TAAR5: variants seen among roughly 807,000 people sequenced by gnomAD.
TAAR5 encodes trace amine associated receptor 5, also known as trace amine-associated receptor 5.
A neutral mutation model predicts 21.1 loss-of-function variants in TAAR5; 27 were observed. The ratio of observed to expected loss-of-function variants is 1.28; its 90% CI spans 0.94 to 1.76. TAAR5 has a LOEUF of 1.76. TAAR5 is among the 40% of genes most tolerant of loss of function. TAAR5 has a pLI of 0.00. For synonymous variants in TAAR5, 203 were observed against 167.5 expected (o/e 1.21, Z -1.64); for missense variants, 495 against 405.6 (o/e 1.22, Z -1.89).
At chr6:132,606,969 G>A in the TAAR5 span, among the ~76,000 whole-genome samples, 1 of 152,170 alleles carries the variant, frequency 6.6e-6, no homozygotes, top group African/African-American at 2.4e-5. Flanking sequence ...GCTGAGGAGG[G>A]CAGATTGCTT....
the TAAR5 span, among the ~76,000 whole-genome samples, chr6:132,600,417 A>T: frequency 2.0e-5 from 3 of 152,132 alleles, no homozygotes; most frequent in Non-Finnish European, 4.4e-5. Flanking sequence ...TGGCATGAAG[A>T]TGACTCCTCA....
the TAAR5 span, among the ~76,000 whole-genome samples, chr6:132,599,582 G>A: frequency 1.3e-5 from 2 of 151,980 alleles, no homozygotes; most frequent in Non-Finnish European, 2.9e-5. Flanking sequence ...ACCTGCATCC[G>A]CCTCCCAAAG....
the TAAR5 span, among the ~76,000 whole-genome samples, chr6:132,616,721 G>A: frequency 6.6e-6 from 1 of 152,176 alleles, no homozygotes; most frequent in Non-Finnish European, 1.5e-5. Flanking sequence ...AGTTGCTGAT[G>A]CTTCAAAGTA....
chr6:132,590,363 A>T (rs1179413367), upstream of TAAR5, among the ~76,000 whole-genome samples: 1 of 152,246 alleles, frequency 6.6e-6, no homozygotes, highest in African/African-American at 2.4e-5. Flanking sequence ...ATGATAACAC[A>T]AAGTGTTTAC....
At chr6:132,613,227 T>C in the TAAR5 span, among the ~76,000 whole-genome samples, 3 of 152,238 alleles carry the variant, frequency 2.0e-5, no homozygotes, top group Admixed American at 2.0e-4. Flanking sequence ...TAACCAGCTC[T>C]AACAAACTAA....
chr6:132,607,659 A>G, the TAAR5 span, among the ~76,000 whole-genome samples: 2 of 152,360 alleles, frequency 1.3e-5, no homozygotes, highest in Middle Eastern at 6.8e-3. Context: ...CTCAAATTGC[A>G]TATGGTGATT....
rs200819391 is a variant in TAAR5 at position 132,588,727 on chromosome 6, C to G, written c.960G>C (p.Leu320=). 1 of 1,613,958 alleles carries G rather than the reference C, an allele frequency of 6.2e-7. No homozygotes were observed. The highest frequency in any genetic ancestry group is 2.2e-5 in the East Asian group (1 of 44,860). The change falls in exon 1 of 1, where the codon CTG becomes CTC. Residue 320 remains leucine (L), a synonymous_variant. Coordinates refer to ENST00000258034, the MANE Select transcript of TAAR5 (RefSeq NM_003967.3). ...TCTGCGGTGAGAAGACCTTCTGGCT[C>G]AGTGTGAGTTTCAGTGCCTTCCGAA... is the stretch of plus-strand genomic sequence containing the variant. ...QWFRKALKLT[L]SQKVFSPQTR...
chr6:132,596,208 G>A, the TAAR5 span, among the ~76,000 whole-genome samples: 2 of 152,032 alleles, frequency 1.3e-5, no homozygotes, highest in Admixed American at 1.3e-4. Context: ...CCCTGTTTTC[G>A]TCTTATATTC....
chr6:132,611,361 T>A, the TAAR5 span, among the ~76,000 whole-genome samples: 5 of 152,090 alleles, frequency 3.3e-5, no homozygotes, highest in Non-Finnish European at 4.4e-5. Context: ...TATGATCTAG[T>A]ATTAAGTAGC....
chr6:132,610,878 C>T, the TAAR5 span, among the ~76,000 whole-genome samples: 1 of 138,082 alleles, frequency 7.2e-6, no homozygotes, highest in South Asian at 2.2e-4. Flanking sequence ...GCCTTGCAGG[C>T]TTTCCAGCTC....
At chr6:132,613,498 T>C in the TAAR5 span, among the ~76,000 whole-genome samples, 2 of 152,210 alleles carry the variant, frequency 1.3e-5, no homozygotes, top group African/African-American at 4.8e-5. Context: ...TTTTTTAAAG[T>C]TACAAATGTT....
the TAAR5 span, among the ~76,000 whole-genome samples, chr6:132,615,533 C>G: frequency 3.3e-5 from 5 of 151,536 alleles, no homozygotes; most frequent in South Asian, 1.0e-3. Flanking sequence ...GGGTAAACCA[C>G]TAAATCCCCC....
Position 132,588,834 on chromosome 6 carries a change from G to A in TAAR5, c.853C>T (p.Leu285=). 1.2e-6 allele frequency: 2 copies of A among 1,614,142 alleles called. No homozygotes were observed. Among genetic ancestry groups the A allele is most frequent in the Non-Finnish European group, 1.7e-6 (2 of 1,180,010 alleles). Residue 285 remains leucine (L), a synonymous_variant, in exon 1 of 1, where the codon CTG becomes TTG. Coordinates refer to ENST00000258034, the MANE Select transcript of TAAR5 (RefSeq NM_003967.3). ...DSLLHFITPP[L]VFDIFIWFAY... ...AACCAGATAAAGATGTCAAAGACCA[G>A]TGGGGGTGTGATAAAGTGAAGGAGG...
chr6:132,589,624 A>G lies in TAAR5; in HGVS notation c.63T>C (p.Asn21=). 1 of 1,613,604 alleles carries G rather than the reference A, an allele frequency of 6.2e-7. No homozygotes were observed. Among genetic ancestry groups the G allele is most frequent in the East Asian group, 2.2e-5 (1 of 44,842 alleles). The stretch of plus-strand genomic sequence containing the variant: ...TATGTACTGTCCTGGGGCAAGACCC[A>G]TTCACCTGGTAGCAGAATGCCGCAG... ...EHPAAFCYQV[N]GSCPRTVHTL... is the part of the protein sequence containing the mutation. Residue 21 remains asparagine (N), a synonymous_variant, in exon 1 of 1, where the codon AAT becomes AAC. Coordinates refer to ENST00000258034, the MANE Select transcript of TAAR5 (RefSeq NM_003967.3).
chr6:132,612,290 A>G, the TAAR5 span, among the ~76,000 whole-genome samples: 381 of 152,338 alleles, frequency 2.5e-3, 4 homozygotes, highest in African/African-American at 8.8e-3. Flanking sequence ...GTTTGAATGA[A>G]TAAACATACA....
chr6:132,601,094 AG>A, the TAAR5 span, among the ~76,000 whole-genome samples: 1 of 92,238 alleles, frequency 1.1e-5, no homozygotes, highest in South Asian at 4.0e-4. Context: ...GGAAGGAGGG[AG>A]GGAAGGAGGG....
chr6:132,589,399 C>T lies in TAAR5; in HGVS notation c.288G>A (p.Val96=), dbSNP rs760826746. 1.2e-6 allele frequency: 2 copies of T among 1,614,102 alleles called. No individual in the cohort carries two copies. The highest frequency in any genetic ancestry group is 2.7e-5 in the African/African-American group (2 of 75,028). The change falls in exon 1 of 1, where the codon GTG becomes GTA. Residue 96 remains valine, a synonymous_variant. Coordinates refer to ENST00000258034, the MANE Select transcript of TAAR5 (RefSeq NM_003967.3). Reference sequence around the variant, plus strand: ...AGTCCCCGAAGAACCAGCAGCTCTCCACTGAGCGAATGGTGCTGAGGGGCA... The same window carrying T: ...AGTCCCCGAAGAACCAGCAGCTCTCTACTGAGCGAATGGTGCTGAGGGGCA... The part of the protein sequence containing the change: ...LVLPLSTIRS[V]ESCWFFGDFL...
chr6:132,598,296 A>C, the TAAR5 span, among the ~76,000 whole-genome samples: 1 of 152,216 alleles, frequency 6.6e-6, no homozygotes, highest in African/African-American at 2.4e-5. Flanking sequence ...TCAGTGATTT[A>C]AGAAAATGAC....
At chr6:132,616,129 A>G in the TAAR5 span, among the ~76,000 whole-genome samples, 1 of 152,164 alleles carries the variant, frequency 6.6e-6, no homozygotes, top group Non-Finnish European at 1.5e-5. Flanking sequence ...ACTCATAAGG[A>G]AAGATTTTTT....
Sources: allele counts gnomAD v4.1 joint callset (sites outside exome capture counted in the v4.1 genomes callset), GRCh38; gene constraint gnomAD v4.1.1; transcripts MANE v1.5; gene names NCBI Gene and HGNC (gene_info 2026-07-23, HGNC 2026-07-21).